The following FAM20C variants were observed in gnomAD, a reference collection of about 807,000 sequenced individuals.
The protein encoded by FAM20C is FAM20C golgi associated secretory pathway kinase.
In FAM20C, 40 loss-of-function variants were observed where a neutral mutation model predicts 51.5. The ratio of observed to expected loss-of-function variants is 0.78; its 90% CI spans 0.60 to 1.01. FAM20C has a LOEUF of 1.01. Among genes scored for constraint, FAM20C ranks in the 50% least tolerant of loss-of-function variants. The pLI is 0.00. For missense variants in FAM20C, 861 were observed against 844.7 expected (o/e 1.02, Z -0.24); for synonymous variants, 406 against 380.6 (o/e 1.07, Z -0.78).
intron 3 of FAM20C, among the ~76,000 whole-genome samples, chr7:210,179 C>T (rs911499743): frequency 6.6e-6 from 1 of 152,210 alleles, no homozygotes; most frequent in African/African-American, 2.4e-5. Context: ...GATGAACGCA[C>T]GGGAGCTGAT....
In FAM20C at chr7:259,915, A is replaced by T. The variant is rs36139924; in HGVS notation, c.1690A>T (p.Asn564Tyr). 6.5e-7 allele frequency: 1 copy of T among 1,534,382 alleles called. No homozygotes were observed. The highest frequency in any genetic ancestry group is 8.7e-7 in the Non-Finnish European group (1 of 1,145,462). ...LKAVRDCVER[N>Y]GLHSVVDDDL... The stretch of plus-strand genomic sequence containing the variant: ...GGCCGTCCGGGACTGCGTGGAGAGG[A>T]ACGGGCTCCACAGCGTGGTGGATGA... The change falls in exon 10 of 10, where the codon AAC becomes TAC. Residue 564 changes from asparagine (N) to tyrosine (Y), a missense_variant. Coordinates refer to ENST00000313766, the MANE Select transcript of FAM20C (RefSeq NM_020223.4).
intron 4 of FAM20C, 104 bp downstream of exon 4, chr7:246,611 C>T (rs532065078): frequency 2.3e-5 from 14 of 602,236 alleles, no homozygotes; most frequent in African/African-American, 1.8e-4. Flanking sequence ...TCGTCACCTT[C>T]GTCACCATCA....
rs988742390 is a variant in FAM20C, at chr7:233,641, G to A, written c.864-12774G>A. 2.0e-3 allele frequency among the ~76,000 whole-genome samples: 311 copies of A among 152,252 alleles called. 4 individuals are homozygous for A. Among genetic ancestry groups the A allele is most frequent in the African/African-American group, 6.7e-3 (280 of 41,536 alleles). ...CCATCCTGAGAGCCGGCCGCGCAGC[G>A]TCTTCTGAAGTCAGGTCTCCCTCGG... On this transcript the variant is annotated intron_variant, in intron 3 of 9. Transcript: ENST00000313766.
intron 3 of FAM20C, among the ~76,000 whole-genome samples, chr7:209,853 T>C (rs920007812): frequency 1.3e-5 from 2 of 152,258 alleles, no homozygotes; most frequent in African/African-American, 4.8e-5. Flanking sequence ...AGCTGCCTGC[T>C]TGCAAGTTGT....
chr7:233,683 G>T (rs1347211603), intron 3 of FAM20C, among the ~76,000 whole-genome samples: 1 of 152,162 alleles, frequency 6.6e-6, no homozygotes, highest in African/African-American at 2.4e-5. Flanking sequence ...TTGCAGGGAC[G>T]CTGTGGTCTC....
At chr7:223,126 G>A (rs187206820) in intron 3 of FAM20C, among the ~76,000 whole-genome samples, 1 of 152,254 alleles carries the variant, frequency 6.6e-6, no homozygotes, top group Non-Finnish European at 1.5e-5. Flanking sequence ...TGGAACCCGT[G>A]TGTGTTCCTA....
intron 5 of FAM20C, among the ~76,000 whole-genome samples, chr7:250,245 C>T (rs989922366): frequency 1.3e-5 from 2 of 152,152 alleles, no homozygotes; most frequent in African/African-American, 2.4e-5. Context: ...TGTCAGAACC[C>T]GGCCCCCGAA....
At chr7:235,661 C>T (rs929135359) in intron 3 of FAM20C, among the ~76,000 whole-genome samples, 31,506 of 152,224 alleles carry the variant, frequency 0.21, 3,757 homozygotes, top group Middle Eastern at 0.29. Flanking sequence ...GGGTGGGGCC[C>T]GCGGCCTTGG....
chr7:203,750 A>G (rs192178642), intron 2 of FAM20C, among the ~76,000 whole-genome samples: 17 of 152,276 alleles, frequency 1.1e-4, no homozygotes, highest in African/African-American at 3.6e-4. Context: ...GGCCAGGAAG[A>G]TAGGACCTGC....
At chr7:223,927 G>C (rs1012214044) in intron 3 of FAM20C, among the ~76,000 whole-genome samples, 6 of 152,176 alleles carry the variant, frequency 3.9e-5, no homozygotes, top group African/African-American at 1.4e-4. Context: ...GCCCCTGAGG[G>C]GCACCTGGGA....
chr7:216,674 T>TGA (rs1554251138), intron 3 of FAM20C, among the ~76,000 whole-genome samples: 1 of 140,252 alleles, frequency 7.1e-6, no homozygotes, highest in Admixed American at 6.8e-5. Context: ...AGAGACAGAG[T>TGA]GTGTGTGAGA....
chr7:230,537 G>C (rs763401968), intron 3 of FAM20C, among the ~76,000 whole-genome samples: 1 of 152,148 alleles, frequency 6.6e-6, no homozygotes, highest in South Asian at 2.1e-4. Flanking sequence ...TGGCCGGGCC[G>C]TCTGGTCCAC....
intron 3 of FAM20C, among the ~76,000 whole-genome samples, chr7:243,837 C>G (rs1396094286): frequency 2.0e-5 from 3 of 151,954 alleles, no homozygotes; most frequent in Admixed American, 2.0e-4. Context: ...TATCAGGCAC[C>G]CAGTGGTGCA....
chr7:254,395 A>C (rs2115168292), intron 5 of FAM20C, among the ~76,000 whole-genome samples: 1 of 152,364 alleles, frequency 6.6e-6, no homozygotes, highest in Admixed American at 6.5e-5. Context: ...TCCGGCCCCA[A>C]CAAAACCACG....
intron 3 of FAM20C, among the ~76,000 whole-genome samples, chr7:220,383 C>T (rs1787202870): frequency 6.6e-6 from 1 of 152,060 alleles, no homozygotes; most frequent in Non-Finnish European, 1.5e-5. Context: ...CGCAGGTTCC[C>T]ACCTCAAGTG....
chr7:246,821 C>G lies in FAM20C; in HGVS notation c.956+314C>G, dbSNP rs900457851. ...GGAGAGCCTTTCATATCCCCCTTTACAGATGAGAAACTGAGGCTCTGTGAG... is the reference window on the plus strand; with the variant it reads ...GGAGAGCCTTTCATATCCCCCTTTAGAGATGAGAAACTGAGGCTCTGTGAG... On this transcript the variant is annotated intron_variant, in intron 4 of 9. Coordinates refer to ENST00000313766, the MANE Select transcript of FAM20C (RefSeq NM_020223.4). 7.9e-5 allele frequency among the ~76,000 whole-genome samples: 12 copies of G among 152,140 alleles called. 1 individual carries two copies. Among genetic ancestry groups the G allele is most frequent in the Admixed American group, 7.9e-4 (12 of 15,282 alleles).
At chr7:197,670 G>A (rs1785944561) in intron 2 of FAM20C, 1 of 152,322 alleles carries the variant, frequency 6.6e-6, no homozygotes. Flanking sequence ...GGTCTGAGCA[G>A]AGGGAGGGCT....
chr7:206,511 G>A (rs1397508508), intron 2 of FAM20C, among the ~76,000 whole-genome samples: 1 of 149,704 alleles, frequency 6.7e-6, no homozygotes, highest in Non-Finnish European at 1.5e-5. Context: ...CCACTGTGAC[G>A]CGTCTGTCAT....
At chr7:208,771 C>T in intron 2 of FAM20C, 127 bp from the exon 3 acceptor site, 1 of 889,158 alleles carries the variant, frequency 1.1e-6, no homozygotes, top group Non-Finnish European at 1.7e-6. Context: ...TCAAACTTCC[C>T]AGGCAGAGTG....
Sources: allele counts gnomAD v4.1 joint callset (sites outside exome capture counted in the v4.1 genomes callset), GRCh38; gene constraint gnomAD v4.1.1; transcripts MANE v1.5; gene names NCBI Gene and HGNC (gene_info 2026-07-23, HGNC 2026-07-21).